Variants in LRP10 observed in about 807,000 individuals in gnomAD.
LRP10 encodes the protein low-density lipoprotein receptor-related protein 10.
Under a neutral mutation model 58.5 loss-of-function variants are expected in LRP10, and 42 were observed. The observed-to-expected ratio is 0.72, with a 90% CI of 0.56 to 0.93. LRP10 has a LOEUF of 0.93. Ranked by LOEUF, LRP10 falls within the 40% of genes least tolerant of loss-of-function variation. The probability of loss-of-function intolerance (pLI) is 0.00; values close to 1 mark genes in which losing one functional copy is unlikely to be tolerated. For missense variants in LRP10, 872 were observed against 940.1 expected (o/e 0.93, Z 0.95); for synonymous variants, 377 against 388.5 (o/e 0.97, Z 0.35).
At chr14:22,876,896 A>C (rs1445758508) in intron 6 of LRP10, 44 bp from the exon 7 acceptor site, 1 of 1,586,350 alleles carries the variant, frequency 6.3e-7, no homozygotes. Flanking sequence ...TCCTTCATTC[A>C]GCCTTTGGCC....
At position 22,878,621 on chromosome 14, in the gene LRP10, A is replaced by C. The variant is rs2040032047; in HGVS notation, c.*1094A>C. ...ATTCAGGGTGTGTGGTGCTGGCATC[A>C]CCATGGCCAAATCCAAGAGGTCTTC... On this transcript the variant is annotated 3_prime_UTR_variant, in exon 7 of 7. Coordinates refer to ENST00000359591, the MANE Select transcript of LRP10 (RefSeq NM_014045.5). The C allele has an allele frequency of 6.4e-6, 1 of 155,236 alleles. No homozygotes were observed. The highest frequency in any genetic ancestry group is 6.3e-5 in the Admixed American group (1 of 15,970). 9.6% of individuals were successfully genotyped at this position (155,236 alleles called of 1,614,324 possible).
rs1275899705 is a variant in LRP10, at chr14:22,878,680, G to C, written c.*1153G>C. On this transcript the variant is annotated 3_prime_UTR_variant, in exon 7 of 7. Coordinates refer to ENST00000359591, the MANE Select transcript of LRP10 (RefSeq NM_014045.5). The stretch of plus-strand genomic sequence containing the variant: ...GGGCCCAAACTGGAACCAAAAGAAT[G>C]CTGTCAGCAGTTGGAATAGAGCTGT... The C allele has an allele frequency of 6.5e-6, 1 of 153,842 alleles. No homozygotes were observed. The highest frequency in any genetic ancestry group is 2.4e-5 in the African/African-American group (1 of 41,474). 9.5% of individuals were successfully genotyped at this position (153,842 alleles called of 1,614,324 possible).
Position 22,875,078 on chromosome 14 carries a change from G to A in LRP10, c.239G>A (p.Cys80Tyr). Residue 80 changes from cysteine (C) to tyrosine (Y), a missense_variant, in exon 4 of 7, where the codon TGT (cysteine) becomes TAT (tyrosine). Cys to Tyr is a radical substitution (Grantham distance 194). Transcript: ENST00000359591. The part of the protein sequence containing the change: ...TIRFQKLHLA[C>Y]GSERLTLRSP... ...AGGTTCCAGAAGCTACACCTGGCCTGTGGCTCAGAGCGCTTAACCCTACGC... is the reference window on the plus strand; with the variant it reads ...AGGTTCCAGAAGCTACACCTGGCCTATGGCTCAGAGCGCTTAACCCTACGC... 2.5e-6 allele frequency: 4 copies of A among 1,590,546 alleles called. No individual in the cohort carries two copies. Among genetic ancestry groups the A allele is most frequent in the South Asian group, 1.1e-5 (1 of 87,416 alleles).
rs2039987863 is a variant in LRP10 at position 22,875,096 on chromosome 14, C to T, written c.257C>T (p.Thr86Ile). The T allele has an allele frequency of 6.2e-7, 1 of 1,609,592 alleles. No individual in the cohort carries two copies. The highest frequency in any genetic ancestry group is 8.5e-7 in the Non-Finnish European group (1 of 1,177,726). Residue 86 changes from threonine to isoleucine, a missense_variant, in exon 4 of 7, where the codon ACC becomes ATC. Physicochemically the swap from Thr to Ile is moderately conservative, Grantham distance 89. Transcript: ENST00000359591. ...LHLACGSERL[T>I]LRSPLQPLIS... ...CTGGCCTGTGGCTCAGAGCGCTTAA[C>T]CCTACGCTCCCCTCTCCAGCCACTG...
At chr14:22,874,609 C>T (rs945641540) in intron 3 of LRP10, among the ~76,000 whole-genome samples, 6 of 152,298 alleles carry the variant, frequency 3.9e-5, no homozygotes, top group Admixed American at 6.5e-5. Context: ...ATTTGGCTGC[C>T]GGGCATGGTG....
At chr14:22,876,881 T>C (rs2040012708) in intron 6 of LRP10, 59 bp from the exon 7 acceptor site, 6 of 1,594,676 alleles carry the variant, frequency 3.8e-6, no homozygotes, top group Non-Finnish European at 5.1e-6. Context: ...CCCGCCCCTG[T>C]ACCCTCCTTC....
Position 22,877,600 on chromosome 14 carries a change from G to A in LRP10, c.*73G>A, listed in dbSNP as rs2040022769. On this transcript the variant is annotated 3_prime_UTR_variant, in exon 7 of 7. Coordinates refer to ENST00000359591, the MANE Select transcript of LRP10 (RefSeq NM_014045.5). The surrounding 1 kb of genome is among the most constrained non-coding windows in gnomAD (Gnocchi z 5.1). ...ATAGTGGCACAACCTTTTAGAGGTGGGTCAGCCTCCCCTCCACCACTTCCT... is the reference window on the plus strand; with the variant it reads ...ATAGTGGCACAACCTTTTAGAGGTGAGTCAGCCTCCCCTCCACCACTTCCT... The A allele has an allele frequency of 1.6e-6, 2 of 1,217,408 alleles. No homozygotes were observed. Among genetic ancestry groups the A allele is most frequent in the East Asian group, 5.3e-5 (2 of 37,460 alleles). The allele number at this position is 1,217,408 out of a possible 1,614,324, so 75.4% of individuals were successfully genotyped here.
rs2040052787 is a variant in LRP10 at position 22,880,655 on chromosome 14, GAGA to G, written c.*3131_*3133del. The G allele has an allele frequency of 6.6e-6, 1 of 152,002 alleles. No homozygotes were observed. The highest frequency in any genetic ancestry group is 2.4e-5 in the African/African-American group (1 of 41,362). The allele number at this position is 152,002 out of a possible 1,614,324, so 9.4% of individuals were successfully genotyped here. ...CAAGCTCCAGACCTCACTAGGAGGG[GAGA>G]AGGACCCCCCAGCCACACAGCCCAA... is the stretch of plus-strand genomic sequence containing the variant. On this transcript the variant is annotated 3_prime_UTR_variant, in exon 7 of 7. Transcript: ENST00000359591.
rs1353681253 is a variant in LRP10, at chr14:22,872,003, A to G, written c.-301A>G. The G allele has an allele frequency of 1.9e-6, 1 of 530,494 alleles. No homozygotes were observed. Among genetic ancestry groups the G allele is most frequent in the African/African-American group, 2.0e-5 (1 of 49,054 alleles). The allele number at this position is 530,494 out of a possible 1,614,324, so 32.9% of individuals were successfully genotyped here. ...CGCTCGCTGCCTGCGGGCGGGCTGT[A>G]GGCGAGGGCGCGCCCCAGTGCCGAG... On this transcript the variant is annotated 5_prime_UTR_variant, in exon 1 of 7. Transcript: ENST00000359591.
intron 1 of LRP10, 86 bp from the exon 2 acceptor site, chr14:22,872,652 C>A: frequency 7.3e-7 from 1 of 1,369,614 alleles, no homozygotes; most frequent in South Asian, 1.2e-5. Context: ...CCGGAAGTCC[C>A]GGATGGCTCC....
At position 22,875,092 on chromosome 14, in the gene LRP10, T is replaced by C. The variant is rs1340464626; in HGVS notation, c.253T>C (p.Leu85=). 1.2e-6 allele frequency: 2 copies of C among 1,607,378 alleles called. No individual in the cohort carries two copies. Among genetic ancestry groups the C allele is most frequent in the Non-Finnish European group, 1.7e-6 (2 of 1,176,658 alleles). ...KLHLACGSER[L]TLRSPLQPLI... is the part of the protein sequence containing the mutation. The stretch of plus-strand genomic sequence containing the variant: ...ACACCTGGCCTGTGGCTCAGAGCGC[T>C]TAACCCTACGCTCCCCTCTCCAGCC... The change falls in exon 4 of 7, where the codon TTA becomes CTA. Residue 85 remains leucine (L), a synonymous_variant. Coordinates refer to ENST00000359591, the MANE Select transcript of LRP10 (RefSeq NM_014045.5).
rs1293028027 is a variant in LRP10, at chr14:22,876,975, G to T, written c.1590G>T (p.Gln530His). 2.5e-6 allele frequency: 4 copies of T among 1,601,324 alleles called. No individual in the cohort carries two copies. The highest frequency in any genetic ancestry group is 2.2e-5 in the South Asian group (2 of 89,536). Residue 530 changes from glutamine to histidine, a missense_variant, in exon 7 of 7, where the codon CAG (glutamine) becomes CAT (histidine). Gln to His is a conservative substitution (Grantham distance 24). Transcript: ENST00000359591. ...TGGGCAACCTGCGTTCTCTGCTACA[G>T]ATCTTACGCCAGGATATGACTCCAG... ...SVLGNLRSLL[Q>H]ILRQDMTPGG...
rs1300370312 is a variant in LRP10 at position 22,872,354 on chromosome 14, T to C, written c.34+17T>C. 1 of 1,613,794 alleles carries C rather than the reference T, an allele frequency of 6.2e-7. No individual in the cohort carries two copies. Among genetic ancestry groups the C allele is most frequent in the East Asian group, 2.2e-5 (1 of 44,836 alleles). ...TCCTCCTTGGTAAGAACCGAAACGA[T>C]ACCAACCCCCAGCCTTCTGTCACCG... On this transcript the variant is annotated intron_variant, in intron 1 of 6. Transcript: ENST00000359591.
chr14:22,876,500 C>A, intron 5 of LRP10, 128 bp downstream of exon 5: 1 of 1,353,060 alleles, frequency 7.4e-7, no homozygotes, highest in Non-Finnish European at 1.0e-6. Context: ...TCAGTTGTGT[C>A]CTGTAAGGGA....
chr14:22,877,526 G>A lies in LRP10; in HGVS notation c.2141G>A (p.Ter714=). The part of the protein sequence containing the change: ...AEAEDEPLLT[*] ...GCAGAGGATGAGCCACTGCTTACCT[G>A]AGGGGACCTGGGGGCTCTACTGAGG... The change falls in exon 7 of 7, where the codon TGA becomes TAA. Residue 714 remains the stop codon, a stop_retained_variant. Coordinates refer to ENST00000359591, the MANE Select transcript of LRP10 (RefSeq NM_014045.5). The surrounding 1 kb of genome is among the most constrained non-coding windows in gnomAD (Gnocchi z 5.1). The A allele has an allele frequency of 6.3e-7, 1 of 1,591,786 alleles. No homozygotes were observed. Among genetic ancestry groups the A allele is most frequent in the African/African-American group, 1.3e-5 (1 of 74,658 alleles).
In LRP10 at chr14:22,872,798, C is replaced by T. The variant is rs183715119; in HGVS notation, c.79+16C>T. 1.2e-6 allele frequency: 2 copies of T among 1,613,828 alleles called. No homozygotes were observed. Among genetic ancestry groups the T allele is most frequent in the South Asian group, 1.1e-5 (1 of 91,074 alleles). ...CCAAATCATGGTGAGTTGAGGGAAC[C>T]TCTGGGGCTCCGTGGGCTTGGGAAT... On this transcript the variant is annotated intron_variant, in intron 2 of 6. Coordinates refer to ENST00000359591, the MANE Select transcript of LRP10 (RefSeq NM_014045.5).
chr14:22,875,214 G>GGGCCA lies in LRP10; in HGVS notation c.378_382dup (p.Gly128AlafsTer13). 1 of 1,606,290 alleles carries GGGCCA rather than the reference G, an allele frequency of 6.2e-7. No homozygotes were observed. Among genetic ancestry groups the GGGCCA allele is most frequent in the Non-Finnish European group, 8.5e-7 (1 of 1,175,624 alleles). On this transcript the variant is annotated frameshift_variant, in exon 4 of 7. Transcript: ENST00000359591. LOFTEE classifies it high-confidence loss of function. The stretch of plus-strand genomic sequence containing the variant: ...GCTATGCTGGGGCCAGAGCACCCAT[G>GGGCCA]GGCCAGGGCTTCCTGCTCTCCTACA...
At position 22,880,709 on chromosome 14, in the gene LRP10, G is replaced by C. The variant is rs1245318482; in HGVS notation, c.*3182G>C. Reference sequence around the variant, plus strand: ...GGCTGCAGAAGCACCTAGGTGGTTAGAGAGTGAGTGCCTGGATGGGGCGCA... The same window carrying C: ...GGCTGCAGAAGCACCTAGGTGGTTACAGAGTGAGTGCCTGGATGGGGCGCA... On this transcript the variant is annotated 3_prime_UTR_variant, in exon 7 of 7. Transcript: ENST00000359591. 6.7e-6 allele frequency: 1 copy of C among 149,312 alleles called. No individual in the cohort carries two copies. The highest frequency in any genetic ancestry group is 6.7e-5 in the Admixed American group (1 of 15,000). The allele number at this position is 149,312 out of a possible 1,614,324, so 9.2% of individuals were successfully genotyped here. A position where few individuals can be genotyped will look rare whatever the true frequency, so the allele number is the denominator to read the frequency against.
rs1244143135 is a variant in LRP10, at chr14:22,879,003, C to T, written c.*1476C>T. On this transcript the variant is annotated 3_prime_UTR_variant, in exon 7 of 7. Transcript: ENST00000359591. ...TGAGGAATTCCCTAACGGACCCAGTCCCTGGGGAAAGAGGCTCCCCTCAGG... is the reference window on the plus strand; with the variant it reads ...TGAGGAATTCCCTAACGGACCCAGTTCCTGGGGAAAGAGGCTCCCCTCAGG... The T allele has an allele frequency of 3.1e-6, 1 of 318,898 alleles. No homozygotes were observed. The highest frequency in any genetic ancestry group is 7.7e-5 in the East Asian group (1 of 13,042). 19.8% of individuals were successfully genotyped at this position (318,898 alleles called of 1,614,324 possible).
Sources: gnomAD v4.1 joint callset for allele counts (sites outside exome capture counted in the v4.1 genomes callset) on GRCh38, gnomAD v4.1.1 for gene constraint, Gnocchi (gnomAD v3.1) non-coding constraint, MANE v1.5 for transcripts, NCBI Gene and HGNC (gene_info 2026-07-23, HGNC 2026-07-21) for gene names.